Variants in CROCC2 observed in about 807,000 individuals in gnomAD.
The protein encoded by CROCC2 is ciliary rootlet coiled-coil, rootletin family member 2.
In CROCC2, 163 loss-of-function variants were observed where a neutral mutation model predicts 177.6. The observed-to-expected ratio is 0.92, with a 90% CI of 0.81 to 1.05. The LOEUF is 1.05. Ranked by LOEUF, CROCC2 falls within the 50% of genes least tolerant of loss-of-function variation. CROCC2 has a pLI of 0.00. For synonymous variants in CROCC2, 904 were observed against 787.3 expected (o/e 1.15, Z -2.48); for missense variants, 1,929 against 1,797.8 (o/e 1.07, Z -1.32).
chr2:240,966,249 C>T lies in CROCC2; in HGVS notation c.3986C>T (p.Pro1329Leu). Residue 1329 changes from proline to leucine, a missense_variant, in exon 25 of 32, where the codon CCT (proline) becomes CTT (leucine). By Grantham distance (98) the Pro-to-Leu change is moderately conservative. Coordinates refer to ENST00000690015, the MANE Select transcript of CROCC2 (RefSeq NM_001351305.2). ...GGCTCCGACAGCTCCCAGGCTCTCC[C>T]TGGGCAACAGGGTACCAGCCCCCCA... ...TKGSDSSQALPGQQGTSPPAR... is the reference protein window; with the variant it reads ...TKGSDSSQALLGQQGTSPPAR... 1 of 698,464 alleles carries T rather than the reference C, an allele frequency of 1.4e-6. No homozygotes were observed. The highest frequency in any genetic ancestry group is 2.0e-6 in the Non-Finnish European group (1 of 497,640). The allele number at this position is 698,464 out of a possible 1,614,324, so 43.3% of individuals were successfully genotyped here.
At chr2:240,934,527 CCCTGGCCTCACTGA>C (rs2106462491) in intron 12 of CROCC2, 52 bp downstream of exon 12, 1 of 1,505,236 alleles carries the variant, frequency 6.6e-7, no homozygotes, top group African/African-American at 1.4e-5. Flanking sequence ...CCCCCACCCA[CCCTGGCCTCACTGA>C]CCTGGCCTCC....
rs1000786330 is a variant in CROCC2 at position 240,991,063 on chromosome 2, A to T, written c.4864-133A>T. 2.2e-5 allele frequency: 13 copies of T among 585,174 alleles called. No individual in the cohort carries two copies. In the East Asian group the frequency reaches 4.1e-4, roughly 19 times the overall value. The allele number at this position is 585,174 out of a possible 1,614,324, so 36.2% of individuals were successfully genotyped here. A position where few individuals can be genotyped will look rare whatever the true frequency, so the allele number is the denominator to read the frequency against. On this transcript the variant is annotated intron_variant, in intron 30 of 31. Transcript: ENST00000690015. Reference sequence around the variant, plus strand: ...TCTGCCTGATGTTTCTGTCCCATGCATGCCACCTCTCCTTGGGAGCTGTGG... The same window carrying T: ...TCTGCCTGATGTTTCTGTCCCATGCTTGCCACCTCTCCTTGGGAGCTGTGG...
chr2:240,990,505 C>A (rs994083246), intron 30 of CROCC2, among the ~76,000 whole-genome samples: 40 of 152,330 alleles, frequency 2.6e-4, no homozygotes, highest in Admixed American at 3.9e-4. Context: ...GGGTCCCCAA[C>A]CACCAAGGCA....
At chr2:240,950,847 C>A in intron 18 of CROCC2, 1 of 271,884 alleles carries the variant, frequency 3.7e-6, no homozygotes, top group Non-Finnish European at 6.9e-6. Flanking sequence ...ATCCAACCAC[C>A]CACCCATTCA....
chr2:240,907,641 C>CT (rs1163572268), intron 1 of CROCC2, among the ~76,000 whole-genome samples: 1 of 152,196 alleles, frequency 6.6e-6, no homozygotes, highest in Non-Finnish European at 1.5e-5. Context: ...TGCATGAGGA[C>CT]TAAGGGCAGG....
At position 240,950,447 on chromosome 2, in the gene CROCC2, A is replaced by G; in HGVS notation, c.2766A>G (p.Glu922=). Residue 922 remains glutamate (E), a synonymous_variant, in exon 18 of 32, where the codon GAA becomes GAG. Transcript: ENST00000690015. ...CTGAGAGGGAGGCTCTGAAGGGGGA[A>G]ATTCAGAGCCTGAAGCAGGAGCGGG... The part of the protein sequence containing the change: ...SAAEREALKG[E]IQSLKQERDE... 6.5e-7 allele frequency: 1 copy of G among 1,550,198 alleles called. No homozygotes were observed. The highest frequency in any genetic ancestry group is 2.4e-5 in the East Asian group (1 of 40,918).
At chr2:240,907,570 C>T (rs990138831) in intron 1 of CROCC2, among the ~76,000 whole-genome samples, 3 of 152,184 alleles carry the variant, frequency 2.0e-5, no homozygotes, top group Admixed American at 6.5e-5. Context: ...AGAGAAATGG[C>T]CACAGCTGGT....
chr2:240,949,015 G>A lies in CROCC2; in HGVS notation c.2400G>A (p.Glu800=). The A allele has an allele frequency of 1.9e-6, 3 of 1,550,126 alleles. No homozygotes were observed. Among genetic ancestry groups the A allele is most frequent in the East Asian group, 2.4e-5 (1 of 40,910 alleles). ...ACTCCCTGGAGAGCAGCCTCCTTGA[G>A]GCCCAACAGCTGGCCACAAAGCTGC... ...ERDSLESSLL[E]AQQLATKLQE... Residue 800 remains glutamate (E), a synonymous_variant, in exon 16 of 32, where the codon GAG becomes GAA. Transcript: ENST00000690015. The surrounding 1 kb of genome is among the most constrained non-coding windows in gnomAD (Gnocchi z 4.5).
intron 7 of CROCC2, among the ~76,000 whole-genome samples, chr2:240,931,972 G>C (rs2059434426): frequency 6.6e-6 from 1 of 152,260 alleles, no homozygotes; most frequent in South Asian, 2.1e-4. Flanking sequence ...TAGACTAATG[G>C]TGACAGGTGC....
At chr2:240,909,707 G>A (rs2059275454) in intron 1 of CROCC2, among the ~76,000 whole-genome samples, 1 of 152,184 alleles carries the variant, frequency 6.6e-6, no homozygotes, top group Non-Finnish European at 1.5e-5. Flanking sequence ...CTCATCTGGA[G>A]GCTACGCAGG....
In CROCC2 at chr2:240,921,715, C is replaced by A. The variant is rs79327574; in HGVS notation, c.382-824C>A. Among the ~76,000 whole-genome samples the A allele has an allele frequency of 0.014, 2,065 of 152,304 alleles. 88 individuals are homozygous for A. In the East Asian group the frequency reaches 0.15, roughly 11 times the overall value. Reference sequence around the variant, plus strand: ...CCATGGCATCTCCATCCTGGGGTGGCACCCCCAGACCCCGCCCGGCTCCTC... The same window carrying A: ...CCATGGCATCTCCATCCTGGGGTGGAACCCCCAGACCCCGCCCGGCTCCTC... On this transcript the variant is annotated intron_variant, in intron 3 of 31. Coordinates refer to ENST00000690015, the MANE Select transcript of CROCC2 (RefSeq NM_001351305.2).
At chr2:240,990,884 T>C (rs1234531985) in intron 30 of CROCC2, among the ~76,000 whole-genome samples, 1 of 152,030 alleles carries the variant, frequency 6.6e-6, no homozygotes, top group Non-Finnish European at 1.5e-5. Context: ...CGTGAGCCAC[T>C]GCACCCAGCC....
At chr2:240,916,574 G>C (rs2059322744) in intron 1 of CROCC2, among the ~76,000 whole-genome samples, 1 of 148,906 alleles carries the variant, frequency 6.7e-6, no homozygotes, top group Non-Finnish European at 1.5e-5. Flanking sequence ...TCCGGCTCCA[G>C]CTGGGCCGCG....
At chr2:240,923,147 T>C (rs1490921413) in intron 4 of CROCC2, among the ~76,000 whole-genome samples, 1 of 151,966 alleles carries the variant, frequency 6.6e-6, no homozygotes, top group East Asian at 1.9e-4. Context: ...TGGCAGCCTC[T>C]CCACGCTCTG....
At chr2:240,956,871 G>T (rs1476870533) in intron 19 of CROCC2, among the ~76,000 whole-genome samples, 1 of 152,132 alleles carries the variant, frequency 6.6e-6, no homozygotes, top group Non-Finnish European at 1.5e-5. Context: ...TCACAGCGAG[G>T]GTGGCCAGAG....
intron 17 of CROCC2, among the ~76,000 whole-genome samples, chr2:240,950,132 G>A (rs1037493237): frequency 1.3e-5 from 2 of 152,192 alleles, no homozygotes; most frequent in Non-Finnish European, 2.9e-5. Context: ...AATATGGGAT[G>A]ACAGGTGCTG....
intron 27 of CROCC2, among the ~76,000 whole-genome samples, chr2:240,981,169 G>A (rs35668040): frequency 1.5e-5 from 2 of 137,016 alleles, no homozygotes; most frequent in Non-Finnish European, 3.1e-5. Flanking sequence ...AGCCTCTGGA[G>A]CCCAGGCTCA....
chr2:240,970,650 T>A (rs2106482906), intron 27 of CROCC2, among the ~76,000 whole-genome samples: 1 of 152,308 alleles, frequency 6.6e-6, no homozygotes, highest in East Asian at 1.9e-4. Context: ...CTAAGACTTT[T>A]GCTCCTTAGA....
In CROCC2 at chr2:240,960,893, G is replaced by C. The variant is rs941791875; in HGVS notation, c.3087+1449G>C. Reference sequence around the variant, plus strand: ...CAGCGACCACACGGGGAAGCAAAACGAGATTGCAAAACTGGGGGCAGCAGG... The same window carrying C: ...CAGCGACCACACGGGGAAGCAAAACCAGATTGCAAAACTGGGGGCAGCAGG... On this transcript the variant is annotated intron_variant, in intron 20 of 31. Coordinates refer to ENST00000690015, the MANE Select transcript of CROCC2 (RefSeq NM_001351305.2). The surrounding 1 kb of genome is among the most constrained non-coding windows in gnomAD (Gnocchi z 5.0). Among the ~76,000 whole-genome samples the C allele has an allele frequency of 2.7e-5, 4 of 145,638 alleles. No individual in the cohort carries two copies. The highest frequency in any genetic ancestry group is 1.0e-4 in the African/African-American group (4 of 39,904).
Sources: gnomAD v4.1 joint callset for allele counts (sites outside exome capture counted in the v4.1 genomes callset) on GRCh38, gnomAD v4.1.1 for gene constraint, Gnocchi (gnomAD v3.1) non-coding constraint, MANE v1.5 for transcripts, NCBI Gene and HGNC (gene_info 2026-07-23, HGNC 2026-07-21) for gene names.